Variants in RYR3 observed in about 807,000 individuals in gnomAD.
RYR3 encodes the protein brain ryanodine receptor-calcium release channel.
A neutral mutation model predicts 584.3 loss-of-function variants in RYR3; 207 were observed. The ratio of observed to expected loss-of-function variants is 0.35; its 90% CI spans 0.32 to 0.40. RYR3 has a LOEUF of 0.40. Among genes scored for constraint, RYR3 ranks in the 10% least tolerant of loss-of-function variants. RYR3 has a pLI of 1.00. For synonymous variants in RYR3, 2,416 were observed against 2,248.5 expected (o/e 1.07, Z -2.11); for missense variants, 5,616 against 6,089.2 (o/e 0.92, Z 2.59).
chr15:33,748,593 T>A (rs2070978451), intron 55 of RYR3, 63 bp downstream of exon 55: 4 of 1,352,806 alleles, frequency 3.0e-6, no homozygotes, highest in Non-Finnish European at 4.2e-6. Context: ...TTCCAAAGAG[T>A]TAAAGGGGGA....
Position 33,785,930 on chromosome 15 carries a change from C to A in RYR3, c.9537C>A (p.Ile3179=). 1 of 1,609,764 alleles carries A rather than the reference C, an allele frequency of 6.2e-7. No individual in the cohort carries two copies. Among genetic ancestry groups the A allele is most frequent in the Non-Finnish European group, 8.5e-7 (1 of 1,177,170 alleles). The change falls in exon 66 of 104, where the codon ATC becomes ATA. Residue 3179 remains isoleucine, a synonymous_variant. Coordinates refer to ENST00000634891, the MANE Select transcript of RYR3 (RefSeq NM_001036.6). The part of the protein sequence containing the change: ...LSLILGNILK[I]INNNLGIDEA... ...TCATCCTGGGCAACATTCTGAAAAT[C>A]ATCAACAACAACCTGGGCATCGATG... is the stretch of plus-strand genomic sequence containing the variant.
intron 75 of RYR3, among the ~76,000 whole-genome samples, chr15:33,818,290 C>T (rs1416023060): frequency 6.6e-6 from 1 of 152,126 alleles, no homozygotes; most frequent in Non-Finnish European, 1.5e-5. Flanking sequence ...TGTAGCTATT[C>T]CCTTTATGGG....
chr15:33,562,151 C>T (rs1453597102), intron 10 of RYR3, among the ~76,000 whole-genome samples: 2 of 152,166 alleles, frequency 1.3e-5, no homozygotes, highest in Non-Finnish European at 2.9e-5. Flanking sequence ...GTGACAGGTA[C>T]TTCAGATTGT....
intron 1 of RYR3, among the ~76,000 whole-genome samples, chr15:33,367,420 T>G (rs896576010): frequency 5.3e-5 from 8 of 152,150 alleles, no homozygotes; most frequent in African/African-American, 1.9e-4. Context: ...AAAAATACAG[T>G]TGGTTTAGTT....
chr15:33,398,776 T>G (rs1054320653), intron 1 of RYR3, among the ~76,000 whole-genome samples: 7 of 152,118 alleles, frequency 4.6e-5, no homozygotes, highest in African/African-American at 1.7e-4. Context: ...AGACCCACAG[T>G]GCAGAGCCGA....
chr15:33,545,218 CT>C (rs1431854017), intron 8 of RYR3, among the ~76,000 whole-genome samples: 2 of 152,096 alleles, frequency 1.3e-5, no homozygotes, highest in African/African-American at 4.8e-5. Flanking sequence ...ATGCACACAC[CT>C]GTCATCAAAA....
intron 69 of RYR3, among the ~76,000 whole-genome samples, chr15:33,805,661 T>A (rs892732197): frequency 6.6e-6 from 1 of 151,738 alleles, no homozygotes; most frequent in East Asian, 2.0e-4. Context: ...GTATTTTTAG[T>A]AGAGACAGGG....
intron 85 of RYR3, among the ~76,000 whole-genome samples, chr15:33,829,684 C>T (rs941925671): frequency 2.0e-5 from 3 of 150,686 alleles, no homozygotes; most frequent in African/African-American, 7.3e-5. Flanking sequence ...ACCCGGGAGG[C>T]GGAGCTTGCA....
chr15:33,699,800 A>G lies in RYR3; in HGVS notation c.6346A>G (p.Ser2116Gly), dbSNP rs2066167702. 2 of 1,613,718 alleles carry G rather than the reference A, an allele frequency of 1.2e-6. No homozygotes were observed. Among genetic ancestry groups the G allele is most frequent in the African/African-American group, 2.7e-5 (2 of 74,888 alleles). Residue 2116 changes from serine (S) to glycine (G), a missense_variant, in exon 41 of 104, where the codon AGT (serine) becomes GGT (glycine). By Grantham distance (56) the Ser-to-Gly change is moderately conservative. Transcript: ENST00000634891. ...QNQKAMFEHLSYLLENSSVGL... is the reference protein window; with the variant it reads ...QNQKAMFEHLGYLLENSSVGL... ...TCAGAAGGCCATGTTTGAGCATCTG[A>G]GTTATCTTCTGGAGAATAGCAGTGT...
intron 10 of RYR3, among the ~76,000 whole-genome samples, chr15:33,558,525 CT>C (rs1268518249): frequency 6.6e-6 from 1 of 152,024 alleles, no homozygotes; most frequent in Admixed American, 6.6e-5. Context: ...GGTTCCAAGT[CT>C]TTGCTATTGT....
intron 20 of RYR3, among the ~76,000 whole-genome samples, chr15:33,624,322 A>AT (rs3215075): frequency 0.055 from 8,376 of 152,264 alleles, 213 homozygotes; most frequent in Middle Eastern, 0.085. Context: ...CAAATGTATT[A>AT]TTTTTTTAAA....
At chr15:33,386,889 G>T (rs1343382819) in intron 1 of RYR3, among the ~76,000 whole-genome samples, 1 of 151,570 alleles carries the variant, frequency 6.6e-6, no homozygotes, top group African/African-American at 2.4e-5. Context: ...ACAGAGTCTT[G>T]CTCTGTCGCC....
chr15:33,741,286 G>A (rs59494883), intron 51 of RYR3, among the ~76,000 whole-genome samples: 30,061 of 152,098 alleles, frequency 0.2, 3,114 homozygotes, highest in African/African-American at 0.27. Context: ...GCCTTAGCAC[G>A]CATAGTCACC....
At position 33,767,839 on chromosome 15, in the gene RYR3, G is replaced by A. The variant is rs7166339; in HGVS notation, c.8706-819G>A. Among the ~76,000 whole-genome samples the A allele has an allele frequency of 9.8e-3, 1,500 of 152,314 alleles. 28 individuals are homozygous for A. The highest frequency in any genetic ancestry group is 0.034 in the African/African-American group (1,424 of 41,566). Reference sequence around the variant, plus strand: ...TCTTCCCAAGAGCCTCAGCAACACAGGTCAAATGATGGCCACAGTGCCCCT... The same window carrying A: ...TCTTCCCAAGAGCCTCAGCAACACAAGTCAAATGATGGCCACAGTGCCCCT... On this transcript the variant is annotated intron_variant, in intron 60 of 103. Transcript: ENST00000634891.
At chr15:33,728,509 A>G (rs1316250189) in intron 46 of RYR3, among the ~76,000 whole-genome samples, 1 of 152,268 alleles carries the variant, frequency 6.6e-6, no homozygotes. Flanking sequence ...AGCACTGTAC[A>G]GATTGAGTAT....
intron 14 of RYR3, among the ~76,000 whole-genome samples, 194 bp downstream of exon 14, chr15:33,581,837 T>C (rs1167881522): frequency 6.6e-6 from 1 of 152,190 alleles, no homozygotes; most frequent in Non-Finnish European, 1.5e-5. Context: ...TGGAAGCAGA[T>C]GATAATCAGT....
intron 3 of RYR3, among the ~76,000 whole-genome samples, chr15:33,506,199 T>C (rs1027627270): frequency 1.3e-5 from 2 of 152,310 alleles, no homozygotes; most frequent in South Asian, 2.1e-4. Context: ...GGGACGCACT[T>C]TAATAAAATT....
intron 1 of RYR3, among the ~76,000 whole-genome samples, chr15:33,339,612 G>A (rs1245911069): frequency 1.3e-5 from 2 of 152,170 alleles, no homozygotes; most frequent in African/African-American, 2.4e-5. Flanking sequence ...ATTACCGGCC[G>A]GGCGCGGTGG....
chr15:33,394,555 G>C (rs2042189025), intron 1 of RYR3, among the ~76,000 whole-genome samples: 1 of 152,188 alleles, frequency 6.6e-6, no homozygotes, highest in South Asian at 2.1e-4. Context: ...TGTCACTTTG[G>C]CTGCTGAGCT....
Sources: gnomAD v4.1 joint callset for allele counts (sites outside exome capture counted in the v4.1 genomes callset) on GRCh38, gnomAD v4.1.1 for gene constraint, MANE v1.5 for transcripts, NCBI Gene and HGNC (gene_info 2026-07-23, HGNC 2026-07-21) for gene names.